The following LRRK2 variants were observed in gnomAD, a reference collection of about 807,000 sequenced individuals.
LRRK2 encodes leucine rich repeat kinase 2.
A neutral mutation model predicts 302.6 loss-of-function variants in LRRK2; 203 were observed. The ratio of observed to expected loss-of-function variants is 0.67; its 90% CI spans 0.60 to 0.75. The LOEUF (loss-of-function observed/expected upper bound fraction) is 0.75. Ranked by LOEUF, LRRK2 falls within the 30% of genes least tolerant of loss-of-function variation. The pLI, the probability that LRRK2 is intolerant of heterozygous loss-of-function variation, is 0.00. For synonymous variants in LRRK2, 1,066 were observed against 1,031.9 expected, an observed-to-expected ratio of 1.03 and a Z score of -0.63; for missense variants, 2,830 against 2,951.0, an observed-to-expected ratio of 0.96 and a Z score of 0.95.
At chr12:40,311,790 T>A (rs980040376) in intron 31 of LRRK2, among the ~76,000 whole-genome samples, 5 of 152,150 alleles carry the variant, frequency 3.3e-5, no homozygotes, top group Non-Finnish European at 7.4e-5. Context: ...ACACATTTAT[T>A]ACAGTTATTA....
At chr12:40,249,720 G>T in intron 7 of LRRK2, 106 bp from the exon 8 acceptor site, 1 of 1,294,528 alleles carries the variant, frequency 7.7e-7, no homozygotes, top group South Asian at 1.2e-5. Flanking sequence ...TAATGCCATT[G>T]AATATTCATC....
intron 18 of LRRK2, among the ~76,000 whole-genome samples, chr12:40,280,621 T>TTAAAATAAAA (rs57373855): frequency 0.24 from 31,318 of 131,378 alleles, 4,620 homozygotes; most frequent in East Asian, 0.38. Context: ...CCAGACCCTG[T>TTAAAATAAAA]TAAAATAAAA....
At chr12:40,316,294 T>C in intron 33 of LRRK2, 1 of 984,642 alleles carries the variant, frequency 1.0e-6, no homozygotes, top group Non-Finnish European at 1.2e-6. Context: ...AAGGAAGCTA[T>C]TGTGAAGAGA....
At chr12:40,344,021 G>A (rs905619726) in intron 41 of LRRK2, among the ~76,000 whole-genome samples, 1 of 152,126 alleles carries the variant, frequency 6.6e-6, no homozygotes, top group Non-Finnish European at 1.5e-5. Context: ...AAGTTTAAAA[G>A]CATTTCCATA....
At chr12:40,290,372 A>T (rs1056962119) in intron 20 of LRRK2, among the ~76,000 whole-genome samples, 1 of 152,002 alleles carries the variant, frequency 6.6e-6, no homozygotes, top group Non-Finnish European at 1.5e-5. Flanking sequence ...CTGTAGTTTT[A>T]TACTTCCTTG....
intron 27 of LRRK2, 148 bp downstream of exon 27, chr12:40,304,282 A>C: frequency 1.4e-6 from 1 of 714,104 alleles, no homozygotes; most frequent in Non-Finnish European, 2.3e-6. Context: ...CTATAAATCC[A>C]GATTTCCATT....
chr12:40,274,586 A>T lies in LRRK2; in HGVS notation c.1660A>T (p.Ile554Phe), dbSNP rs752861831. The change falls in exon 15 of 51, where the codon ATT becomes TTT. Residue 554 changes from isoleucine to phenylalanine, a missense_variant. Around this residue, in one of 3 missense-constraint regions of LRRK2, gnomAD observed 2,121 missense variants for 2,148.0 expected, o/e 0.99. Transcript: ENST00000298910. ...GCGAGTATTCTTTTGATTTTAGTTC[A>T]TTGGAAATCCTGGGATTCAGAAATG... The part of the protein sequence containing the change: ...KLVLAALNRF[I>F]GNPGIQKCGL... 1 of 1,613,730 alleles carries T rather than the reference A, an allele frequency of 6.2e-7. No individual in the cohort carries two copies. The highest frequency in any genetic ancestry group is 1.1e-5 in the South Asian group (1 of 91,082).
intron 23 of LRRK2, 98 bp from the exon 24 acceptor site, chr12:40,298,145 A>G: frequency 3.2e-6 from 4 of 1,260,486 alleles, no homozygotes; most frequent in South Asian, 2.6e-5. Context: ...AAAATTCTTG[A>G]TGGTTCTAGT....
chr12:40,356,269 A>G, intron 46 of LRRK2, 82 bp downstream of exon 46: 2 of 957,610 alleles, frequency 2.1e-6, no homozygotes, highest in Non-Finnish European at 3.2e-6. Context: ...TTATGGGATT[A>G]TAAACTCCCT....
chr12:40,232,307 G>A lies in LRRK2; in HGVS notation c.271G>A (p.Val91Ile), dbSNP rs779234522. ...GTCACTTCTGTGCAAATTAATAGAAGTCTGTCCAGGTACAATGCAAAGCTT... is the reference window on the plus strand; with the variant it reads ...GTCACTTCTGTGCAAATTAATAGAAATCTGTCCAGGTACAATGCAAAGCTT... Reference protein sequence around the residue: ...GWSLLCKLIEVCPGTMQSLMG... With the variant: ...GWSLLCKLIEICPGTMQSLMG... The change falls in exon 3 of 51, where the codon GTC (valine) becomes ATC (isoleucine). Residue 91 changes from valine to isoleucine, a missense_variant. Coordinates refer to ENST00000298910, the MANE Select transcript of LRRK2 (RefSeq NM_198578.4). 6.2e-6 allele frequency: 10 copies of A among 1,614,074 alleles called. No individual in the cohort carries two copies. The highest frequency in any genetic ancestry group is 7.6e-6 in the Non-Finnish European group (9 of 1,179,990).
intron 2 of LRRK2, among the ~76,000 whole-genome samples, chr12:40,226,010 A>G (rs1354663156): frequency 6.6e-6 from 1 of 152,218 alleles, no homozygotes; most frequent in African/African-American, 2.4e-5. Flanking sequence ...AGATGAGAAG[A>G]TTATGAATAG....
intron 38 of LRRK2, among the ~76,000 whole-genome samples, chr12:40,324,371 T>C (rs1945486711): frequency 6.6e-6 from 1 of 152,204 alleles, no homozygotes; most frequent in Admixed American, 6.5e-5. Flanking sequence ...TGGTGAGAAC[T>C]ATTAAAATCT....
chr12:40,237,833 AC>A, intron 4 of LRRK2, 135 bp from the exon 5 acceptor site: 2 of 921,152 alleles, frequency 2.2e-6, no homozygotes, highest in Admixed American at 2.3e-5. Flanking sequence ...CAACAAACAA[AC>A]AAACAAACAA....
intron 41 of LRRK2, 139 bp downstream of exon 41, chr12:40,340,593 C>G: frequency 1.1e-6 from 1 of 872,162 alleles, no homozygotes; most frequent in Non-Finnish European, 1.9e-6. Context: ...AAAATGCAAG[C>G]ATCACATTGT....
chr12:40,263,211 G>A (rs1304350277), intron 13 of LRRK2, among the ~76,000 whole-genome samples: 3 of 152,088 alleles, frequency 2.0e-5, no homozygotes, highest in African/African-American at 7.2e-5. Flanking sequence ...GACTTGTAGT[G>A]TTTTTAGCAT....
At chr12:40,269,677 C>T (rs1943154344) in intron 14 of LRRK2, among the ~76,000 whole-genome samples, 1 of 152,058 alleles carries the variant, frequency 6.6e-6, no homozygotes, top group African/African-American at 2.4e-5. Context: ...CAAATTGTAT[C>T]ATCCTGCATA....
In LRRK2 at chr12:40,225,284, T is replaced by C. The variant is rs1056151923; in HGVS notation, c.151+2T>C. 5.1e-5 allele frequency: 82 copies of C among 1,613,976 alleles called. No homozygotes were observed. The highest frequency in any genetic ancestry group is 6.8e-5 in the Non-Finnish European group (80 of 1,179,988). On this transcript the variant is annotated splice_donor_variant, in intron 1 of 50. Transcript: ENST00000298910. LOFTEE classifies it high-confidence loss of function. ...TGGTGTTCACGTACTCCGAGCGCGG[T>C]AATCACTTGAAAATAAACTGTGCTT...
chr12:40,308,221 A>G (rs1341532609), intron 28 of LRRK2, among the ~76,000 whole-genome samples: 1 of 152,128 alleles, frequency 6.6e-6, no homozygotes, highest in African/African-American at 2.4e-5. Context: ...CCTTTTGATT[A>G]TTTCTGGTGA....
intron 38 of LRRK2, among the ~76,000 whole-genome samples, chr12:40,327,833 G>A (rs746581550): frequency 1.3e-5 from 2 of 152,132 alleles, no homozygotes; most frequent in African/African-American, 4.8e-5. Context: ...TAGCCGTGGG[G>A]TTAGACCACA....
Sources: gnomAD v4.1 joint callset for allele counts (sites outside exome capture counted in the v4.1 genomes callset) on GRCh38, gnomAD v4.1.1 for gene constraint, gnomAD v4.1.1 regional missense constraint, MANE v1.5 for transcripts, NCBI Gene and HGNC (gene_info 2026-07-23, HGNC 2026-07-21) for gene names.